FER1L6: variants seen among roughly 807,000 people sequenced by gnomAD.
FER1L6 encodes fer-1 like family member 6, also known as fer-1-like protein 6.
A neutral mutation model predicts 219.2 loss-of-function variants in FER1L6; 177 were observed. The observed-to-expected ratio is 0.81, with a 90% CI of 0.71 to 0.91. The LOEUF is 0.91. Among genes scored for constraint, FER1L6 ranks in the 40% least tolerant of loss-of-function variants. The probability of loss-of-function intolerance (pLI) is 0.00; values close to 1 mark genes in which losing one functional copy is unlikely to be tolerated. For synonymous variants in FER1L6, 768 were observed against 824.3 expected, an observed-to-expected ratio of 0.93 and a Z score of 1.17; for missense variants, 2,153 against 2,259.9, an observed-to-expected ratio of 0.95 and a Z score of 0.96.
chr8:123,955,021 C>T (rs1375978575), intron 1 of FER1L6, among the ~76,000 whole-genome samples: 1 of 152,182 alleles, frequency 6.6e-6, no homozygotes, highest in East Asian at 1.9e-4. Context: ...AGCAGTCCCC[C>T]AGCTCAGAAA....
chr8:123,855,759 T>TGTACACACACACACACAC (rs1816625852), intron 1 of FER1L6, among the ~76,000 whole-genome samples: 1 of 146,884 alleles, frequency 6.8e-6, no homozygotes, highest in African/African-American at 2.6e-5. Context: ...TGTGTATATA[T>TGTACACACACACACACAC]ATGTGTGTGT....
intron 1 of FER1L6, among the ~76,000 whole-genome samples, chr8:123,929,862 C>G (rs1406592540): frequency 4.6e-5 from 7 of 152,078 alleles, no homozygotes; most frequent in African/African-American, 7.2e-5. Context: ...GTGTTCCCCC[C>G]TTAGTGATAC....
intron 5 of FER1L6, among the ~76,000 whole-genome samples, chr8:123,969,381 C>T (rs181706006): frequency 1.5e-4 from 23 of 152,104 alleles, no homozygotes; most frequent in Middle Eastern, 3.4e-3. Flanking sequence ...TTAGTCAAGT[C>T]CACTCCAATT....
At chr8:123,920,585 A>G (rs1235213166) in intron 1 of FER1L6, among the ~76,000 whole-genome samples, 5 of 152,230 alleles carry the variant, frequency 3.3e-5, no homozygotes, top group Admixed American at 1.3e-4. Context: ...GCAGGGCTAC[A>G]GTTGTGTAGA....
At chr8:124,040,269 G>A (rs576391479) in intron 20 of FER1L6, among the ~76,000 whole-genome samples, 3 of 152,356 alleles carry the variant, frequency 2.0e-5, no homozygotes, top group South Asian at 2.1e-4. Flanking sequence ...GAATGAGGCG[G>A]AGAAGGCTAA....
intron 8 of FER1L6, 137 bp from the exon 9 acceptor site, chr8:123,975,761 A>G (rs1379795747): frequency 1.4e-6 from 1 of 706,998 alleles, no homozygotes; most frequent in African/African-American, 1.8e-5. Flanking sequence ...AAGAAAACTC[A>G]TTTCAGCAAT....
chr8:124,052,607 A>G (rs1820095967), intron 22 of FER1L6, among the ~76,000 whole-genome samples: 1 of 152,000 alleles, frequency 6.6e-6, no homozygotes, highest in African/African-American at 2.4e-5. Context: ...CAACATGGAG[A>G]AACCCTATCC....
At chr8:123,947,091 C>T (rs1032414288) in intron 1 of FER1L6, among the ~76,000 whole-genome samples, 18 of 152,040 alleles carry the variant, frequency 1.2e-4, no homozygotes, top group African/African-American at 4.4e-4. Context: ...TAGAGACCAT[C>T]CTGGCTAACA....
chr8:124,109,859 T>TA (rs1462938666), intron 39 of FER1L6, among the ~76,000 whole-genome samples: 6 of 152,142 alleles, frequency 3.9e-5, no homozygotes, highest in African/African-American at 1.2e-4. Flanking sequence ...CTGACTGTGG[T>TA]AGTAACAAGC....
chr8:124,004,691 C>T (rs1817579706), intron 13 of FER1L6, among the ~76,000 whole-genome samples: 1 of 152,042 alleles, frequency 6.6e-6, no homozygotes, highest in South Asian at 2.1e-4. Context: ...TCCTCCAAGC[C>T]ACAGACAAGA....
Position 123,938,035 on chromosome 8 carries a change from A to C in FER1L6, c.-7-17957A>C, listed in dbSNP as rs541892054. Among the ~76,000 whole-genome samples the C allele has an allele frequency of 1.4e-4, 22 of 152,324 alleles. No individual in the cohort carries two copies. In the South Asian group the frequency reaches 4.6e-3, roughly 32 times the overall value. ...AAGGCTAATGACACCTGATCAGTGA[A>C]GTGTTTGCTTATTACATTGTAGGTC... On this transcript the variant is annotated intron_variant, in intron 1 of 40. Coordinates refer to ENST00000522917, the MANE Select transcript of FER1L6 (RefSeq NM_001039112.2).
In FER1L6 at chr8:124,119,942, C is replaced by T. The variant is rs1027988344; in HGVS notation, c.*152C>T. 102 of 762,838 alleles carry T rather than the reference C, an allele frequency of 1.3e-4. No individual in the cohort carries two copies. The highest frequency in any genetic ancestry group is 1.9e-4 in the Non-Finnish European group (95 of 507,884). The allele number at this position is 762,838 out of a possible 1,614,324, so 47.3% of individuals were successfully genotyped here. On this transcript the variant is annotated 3_prime_UTR_variant, in exon 41 of 41. Coordinates refer to ENST00000522917, the MANE Select transcript of FER1L6 (RefSeq NM_001039112.2). ...AAGAGATGGAAAAGAAACATTTCCT[C>T]CCTGCTCCAACCCCTGCCTCCAAGT...
At chr8:124,057,411 T>C (rs1176697793) in intron 22 of FER1L6, among the ~76,000 whole-genome samples, 1 of 152,206 alleles carries the variant, frequency 6.6e-6, no homozygotes, top group Non-Finnish European at 1.5e-5. Flanking sequence ...TTATTTTTGG[T>C]TTTTAGCAGT....
intron 12 of FER1L6, among the ~76,000 whole-genome samples, chr8:124,000,466 C>T (rs1388750532): frequency 6.6e-6 from 1 of 152,186 alleles, no homozygotes; most frequent in Non-Finnish European, 1.5e-5. Flanking sequence ...TGCTCCACCT[C>T]TAGATTTATT....
At chr8:123,979,990 C>G (rs1006079904) in intron 10 of FER1L6, among the ~76,000 whole-genome samples, 6 of 152,238 alleles carry the variant, frequency 3.9e-5, no homozygotes, top group African/African-American at 9.6e-5. Context: ...CACACACTCT[C>G]TCTCTTCTCT....
rs569198892 is a variant in FER1L6, at chr8:124,064,593, C to A, written c.3555+20C>A. On this transcript the variant is annotated intron_variant, in intron 26 of 40. Transcript: ENST00000522917. Reference sequence around the variant, plus strand: ...CCTAAGGTCAGACTAAAATCCCTCTCTATATTTACAAGGCTCATTGGAGTT... The same window carrying A: ...CCTAAGGTCAGACTAAAATCCCTCTATATATTTACAAGGCTCATTGGAGTT... 2 of 1,605,184 alleles carry A rather than the reference C, an allele frequency of 1.2e-6. No individual in the cohort carries two copies. Among genetic ancestry groups the A allele is most frequent in the South Asian group, 1.1e-5 (1 of 90,064 alleles).
intron 12 of FER1L6, among the ~76,000 whole-genome samples, chr8:123,987,738 A>G (rs535649788): frequency 2.6e-5 from 4 of 152,180 alleles, no homozygotes; most frequent in East Asian, 1.9e-4. Flanking sequence ...TCTTCTTTAT[A>G]TGGCTATCCA....
chr8:124,048,515 G>C (rs1040939791), intron 21 of FER1L6, among the ~76,000 whole-genome samples: 1 of 152,314 alleles, frequency 6.6e-6, no homozygotes, highest in South Asian at 2.1e-4. Flanking sequence ...CCATCGCATC[G>C]CATACTTCTT....
At chr8:124,116,811 A>G (rs1255878830) in intron 39 of FER1L6, among the ~76,000 whole-genome samples, 1 of 152,210 alleles carries the variant, frequency 6.6e-6, no homozygotes, top group African/African-American at 2.4e-5. Context: ...ATCTCTGGAA[A>G]TAAGACTGTT....
Sources: gnomAD v4.1 joint callset for allele counts (sites outside exome capture counted in the v4.1 genomes callset) on GRCh38, gnomAD v4.1.1 for gene constraint, MANE v1.5 for transcripts, NCBI Gene and HGNC (gene_info 2026-07-23, HGNC 2026-07-21) for gene names.